Variants in CDH20 observed in about 807,000 individuals in gnomAD.
The protein encoded by CDH20 is cadherin 20.
CDH20 carries 29 observed loss-of-function variants against 74.2 expected under a neutral mutation model. The ratio of observed to expected loss-of-function variants is 0.39; its 90% confidence interval spans 0.29 to 0.53. The LOEUF is 0.53. Among genes scored for constraint, CDH20 ranks in the 20% least tolerant of loss-of-function variants. The pLI, the probability that CDH20 is intolerant of heterozygous loss-of-function variation, is 0.69. For missense variants in CDH20, 988 were observed against 1,048.3 expected (o/e 0.94, Z 0.79); for synonymous variants, 469 against 405.4 (o/e 1.16, Z -1.88).
intron 9 of CDH20, among the ~76,000 whole-genome samples, chr18:61,542,194 C>G (rs1477458845): frequency 1.3e-5 from 2 of 152,136 alleles, no homozygotes; most frequent in Admixed American, 1.3e-4. Context: ...TGAAAAGTGC[C>G]GGCTCTGTCT....
Position 61,413,669 on chromosome 18 carries a change from A to G in CDH20, c.-152-76733A>G, listed in dbSNP as rs559766074. 8.1e-4 allele frequency among the ~76,000 whole-genome samples: 123 copies of G among 152,078 alleles called. 2 individuals are homozygous for G. In the South Asian group the frequency reaches 0.022, roughly 28 times the overall value. ...TACAATGAACTACAATATATTTTTT[A>G]TATCCTCTGTAGGTGTTCTGAAAGG... On this transcript the variant is annotated intron_variant, in intron 1 of 11. Transcript: ENST00000262717.
intron 8 of CDH20, among the ~76,000 whole-genome samples, chr18:61,538,584 G>GTTGTTTT (rs1912894384): frequency 1.8e-5 from 1 of 55,846 alleles, no homozygotes; most frequent in African/African-American, 7.4e-5. Context: ...ACTACTTTTT[G>GTTGTTTT]TTTGTTTGTT....
chr18:61,554,146 C>T, intron 11 of CDH20, 44 bp from the exon 12 acceptor site: 1 of 1,574,734 alleles, frequency 6.4e-7, no homozygotes, highest in Non-Finnish European at 8.6e-7. Flanking sequence ...GCACACACAG[C>T]CACATCTCCT....
chr18:61,386,658 T>A (rs1911609869), intron 1 of CDH20, among the ~76,000 whole-genome samples: 1 of 152,208 alleles, frequency 6.6e-6, no homozygotes, highest in Non-Finnish European at 1.5e-5. Flanking sequence ...TTGAAAACAG[T>A]GAAACCAGCC....
chr18:61,379,398 A>C lies in CDH20; in HGVS notation c.-153+45571A>C, dbSNP rs369072781. ...CTTTATTGAGGATGCCAAACCTTAGAACATTAATAGAAAAGTCCCTTCCCA... is the reference window on the plus strand; with the variant it reads ...CTTTATTGAGGATGCCAAACCTTAGCACATTAATAGAAAAGTCCCTTCCCA... On this transcript the variant is annotated intron_variant, in intron 1 of 11. Transcript: ENST00000262717. 3.0e-3 allele frequency among the ~76,000 whole-genome samples: 462 copies of C among 152,292 alleles called. 9 individuals are homozygous for C. The highest frequency in any genetic ancestry group is 7.5e-3 in the South Asian group (36 of 4,824).
intron 10 of CDH20, among the ~76,000 whole-genome samples, chr18:61,549,259 T>C (rs549002353): frequency 9.9e-5 from 15 of 152,228 alleles, no homozygotes; most frequent in Non-Finnish European, 2.1e-4. Context: ...AAATATCTAA[T>C]AATTTGACTA....
At chr18:61,470,868 T>A (rs1730634766) in intron 1 of CDH20, among the ~76,000 whole-genome samples, 1 of 152,044 alleles carries the variant, frequency 6.6e-6, no homozygotes. Context: ...CCTTCTTCTA[T>A]CTTCTCCTCT....
chr18:61,492,713 T>C (rs564466641), intron 2 of CDH20, among the ~76,000 whole-genome samples: 292 of 152,332 alleles, frequency 1.9e-3, no homozygotes, highest in African/African-American at 6.7e-3. Flanking sequence ...GGCCACTCTC[T>C]AAGGCAAGCC....
At chr18:61,510,779 TC>T (rs1337197289) in intron 6 of CDH20, among the ~76,000 whole-genome samples, 1 of 152,190 alleles carries the variant, frequency 6.6e-6, no homozygotes, top group Non-Finnish European at 1.5e-5. Flanking sequence ...TTATTCTCAT[TC>T]TTTGAGAATT....
chr18:61,336,976 A>G (rs1909783729), intron 1 of CDH20, among the ~76,000 whole-genome samples: 1 of 152,244 alleles, frequency 6.6e-6, no homozygotes, highest in South Asian at 2.1e-4. Flanking sequence ...ACAGCAAGAC[A>G]GCCTCTGCCA....
At chr18:61,548,902 GGAA>G (rs1483362786) in intron 10 of CDH20, among the ~76,000 whole-genome samples, 1 of 152,274 alleles carries the variant, frequency 6.6e-6, no homozygotes, top group South Asian at 2.1e-4. Flanking sequence ...GTCCAAAATG[GGAA>G]GAAGAACCAG....
rs772756441 is a variant in CDH20 at position 61,503,129 on chromosome 18, C to G, written c.829+9C>G. 2 of 1,595,198 alleles carry G rather than the reference C, an allele frequency of 1.3e-6. No individual in the cohort carries two copies. The highest frequency in any genetic ancestry group is 2.2e-5 in the East Asian group (1 of 44,480). Reference sequence around the variant, plus strand: ...ACCCCGCTTTCCCCAGAGTGAGTACCTAACCCAAGAGAGCACAGACCTCGG... The same window carrying G: ...ACCCCGCTTTCCCCAGAGTGAGTACGTAACCCAAGAGAGCACAGACCTCGG... On this transcript the variant is annotated intron_variant, in intron 5 of 11. Coordinates refer to ENST00000262717, the MANE Select transcript of CDH20 (RefSeq NM_031891.4).
intron 1 of CDH20, among the ~76,000 whole-genome samples, chr18:61,392,457 A>G (rs1911823366): frequency 6.6e-6 from 1 of 152,172 alleles, no homozygotes; most frequent in Non-Finnish European, 1.5e-5. Context: ...GGAGTCCTGG[A>G]ACCAATCCCC....
chr18:61,495,693 C>T (rs2144307221), intron 2 of CDH20, among the ~76,000 whole-genome samples: 1 of 152,342 alleles, frequency 6.6e-6, no homozygotes, highest in Admixed American at 6.5e-5. Context: ...CCTGCAGATG[C>T]CAGAATCCCC....
intron 1 of CDH20, among the ~76,000 whole-genome samples, chr18:61,461,839 C>T (rs1324001424): frequency 1.3e-5 from 2 of 152,030 alleles, no homozygotes; most frequent in African/African-American, 4.8e-5. Flanking sequence ...AAGTAGTGGC[C>T]CTCAATCAGA....
chr18:61,379,611 T>C (rs1015049961), intron 1 of CDH20, among the ~76,000 whole-genome samples: 1 of 152,188 alleles, frequency 6.6e-6, no homozygotes, highest in African/African-American at 2.4e-5. Flanking sequence ...GTTCCCAGTA[T>C]GAATCCCAAA....
chr18:61,412,013 T>A (rs956887639), intron 1 of CDH20, among the ~76,000 whole-genome samples: 2 of 151,452 alleles, frequency 1.3e-5, no homozygotes, highest in Non-Finnish European at 2.9e-5. Context: ...TAAAAAATTT[T>A]AAAAATAATT....
intron 1 of CDH20, among the ~76,000 whole-genome samples, chr18:61,445,621 A>G (rs1277780629): frequency 4.6e-5 from 7 of 152,346 alleles, no homozygotes; most frequent in African/African-American, 1.7e-4. Context: ...CAGATTATTC[A>G]AAGTCCAACA....
In CDH20 at chr18:61,517,142, T is replaced by A. The variant is rs1360048762; in HGVS notation, c.1017+9582T>A. On this transcript the variant is annotated intron_variant, in intron 6 of 11. Transcript: ENST00000262717. ...ACCTAAATGTAAAAACCTAAAGCTA[T>A]AAAATTTCTAAAAGGAAACTTAGGA... Among the ~76,000 whole-genome samples the A allele has an allele frequency of 2.6e-5, 4 of 152,172 alleles. No homozygotes were observed. The South Asian group carries it at 6.2e-4, about 24-fold the overall frequency.
Sources: gnomAD v4.1 joint callset for allele counts (sites outside exome capture counted in the v4.1 genomes callset) on GRCh38, gnomAD v4.1.1 for gene constraint, MANE v1.5 for transcripts, NCBI Gene and HGNC (gene_info 2026-07-23, HGNC 2026-07-21) for gene names.